Variants in AXIN1 observed in about 807,000 individuals in gnomAD.
AXIN1 encodes the protein axin-1.
In AXIN1, 30 loss-of-function variants were observed where a neutral mutation model predicts 76.4. The ratio of observed to expected loss-of-function variants is 0.39; its 90% confidence interval spans 0.29 to 0.53. The LOEUF (loss-of-function observed/expected upper bound fraction) is 0.53, where lower values mean the gene tolerates loss of function less well. Ranked by LOEUF, AXIN1 falls within the 20% of genes least tolerant of loss-of-function variation. AXIN1 has a pLI of 0.66. For synonymous variants in AXIN1, 545 were observed against 501.4 expected, an observed-to-expected ratio of 1.09 and a Z score of -1.16; for missense variants, 1,140 against 1,198.8, an observed-to-expected ratio of 0.95 and a Z score of 0.72.
intron 2 of AXIN1, among the ~76,000 whole-genome samples, chr16:344,409 G>A (rs1473956316): frequency 1.1e-4 from 15 of 135,370 alleles, no homozygotes; most frequent in African/African-American, 3.0e-4. Context: ...CAGCCTGGGC[G>A]ATAGAGCAAG....
At position 293,650 on chromosome 16, in the gene AXIN1, G is replaced by C. The variant is rs139203196; in HGVS notation, c.2024C>G (p.Ala675Gly). ...SRPLSLEHPW[A>G]GPQLRTSVQP... The stretch of plus-strand genomic sequence containing the variant: ...CACGGAGGTCCGGAGCTGAGGGCCG[G>C]CCCAGGGGTGCTCAAGGGACAAGGG... Residue 675 changes from alanine to glycine, a missense_variant, in exon 8 of 11, where the codon GCC (alanine) becomes GGC (glycine). Ala to Gly is a moderately conservative substitution (Grantham distance 60). Around this residue, in one of 3 missense-constraint regions of AXIN1, gnomAD observed 429 missense variants for 405.8 expected, o/e 1.06. Transcript: ENST00000262320. The surrounding 1 kb of genome is among the most constrained non-coding windows in gnomAD (Gnocchi z 4.6). The C allele has an allele frequency of 6.2e-7, 1 of 1,613,540 alleles. No individual in the cohort carries two copies. Among genetic ancestry groups the C allele is most frequent in the South Asian group, 1.1e-5 (1 of 91,080 alleles).
chr16:337,149 CAAAAAAAAA>C (rs398028563), intron 2 of AXIN1, among the ~76,000 whole-genome samples: 6 of 30,582 alleles, frequency 2.0e-4, no homozygotes, highest in South Asian at 1.7e-3. Context: ...GACCCCGTCT[CAAAAAAAAA>C]AAAAAAAAAA....
chr16:288,362 C>T (rs2052447971), intron 10 of AXIN1, 114 bp from the exon 11 acceptor site: 2 of 1,465,346 alleles, frequency 1.4e-6, no homozygotes, highest in Admixed American at 1.7e-5. Flanking sequence ...CTGTCCATGC[C>T]CCACGGCCCC....
intron 4 of AXIN1, among the ~76,000 whole-genome samples, chr16:307,652 T>C (rs1210630146): frequency 6.6e-6 from 1 of 152,176 alleles, no homozygotes; most frequent in African/African-American, 2.4e-5. Context: ...AGCCTGGGCC[T>C]CCGTGGGTGC....
At chr16:336,772 G>C (rs1170380925) in intron 2 of AXIN1, among the ~76,000 whole-genome samples, 2 of 141,086 alleles carry the variant, frequency 1.4e-5, no homozygotes. Context: ...AGCTGAGGTT[G>C]CACCACTGCA....
chr16:317,390 C>A (rs79176827), intron 2 of AXIN1, among the ~76,000 whole-genome samples: 1 of 152,140 alleles, frequency 6.6e-6, no homozygotes, highest in African/African-American at 2.4e-5. Flanking sequence ...TGCTGGTGAC[C>A]GTGCTCAGCT....
Position 341,768 on chromosome 16 carries a change from C to T in AXIN1, c.878+4380G>A, listed in dbSNP as rs192679499. ...GCTCAGGGACTGTAAATACACCAAT[C>T]GGCACTCTGTATCTAGCACAAGGTT... On this transcript the variant is annotated intron_variant, in intron 2 of 10. Coordinates refer to ENST00000262320, the MANE Select transcript of AXIN1 (RefSeq NM_003502.4). 1.6e-3 allele frequency among the ~76,000 whole-genome samples: 237 copies of T among 152,332 alleles called. 1 individual carries two copies. Among genetic ancestry groups the T allele is most frequent in the African/African-American group, 5.0e-3 (209 of 41,568 alleles).
At chr16:342,526 G>A (rs55670946) in intron 2 of AXIN1, among the ~76,000 whole-genome samples, 11,277 of 152,118 alleles carry the variant, frequency 0.074, 537 homozygotes, top group Non-Finnish European at 0.11. Context: ...TGCATTACCC[G>A]CAGCCTTCCT....
At chr16:307,814 G>A (rs980299208) in intron 4 of AXIN1, among the ~76,000 whole-genome samples, 4 of 152,206 alleles carry the variant, frequency 2.6e-5, no homozygotes, top group African/African-American at 7.2e-5. Context: ...ACCACGGCAC[G>A]TCCTGCTAGC....
intron 5 of AXIN1, among the ~76,000 whole-genome samples, chr16:303,682 GT>G (rs2052936664): frequency 6.6e-6 from 1 of 152,054 alleles, no homozygotes; most frequent in African/African-American, 2.4e-5. Context: ...TCGCCCGCCC[GT>G]TTCCCTTTTT....
intron 4 of AXIN1, among the ~76,000 whole-genome samples, chr16:305,431 A>G (rs1049711361): frequency 2.0e-5 from 3 of 152,204 alleles, no homozygotes; most frequent in Non-Finnish European, 4.4e-5. Flanking sequence ...AGCCGAGATC[A>G]TGCCACTGCC....
rs1271291185 is a variant in AXIN1 at position 326,376 on chromosome 16, T to A, written c.879-11693A>T. ...TCTCAAAAAAAAAAAAAAAAAAATA[T>A]ATATATATATATATATATACACACC... On this transcript the variant is annotated intron_variant, in intron 2 of 10. Transcript: ENST00000262320. Among the ~76,000 whole-genome samples the A allele has an allele frequency of 5.0e-3, 320 of 63,542 alleles. 1 individual carries two copies. The highest frequency in any genetic ancestry group is 0.016 in the African/African-American group (220 of 14,158). The allele number at this position is 63,542 out of a possible 152,430, so 41.7% of individuals were successfully genotyped here.
At position 319,705 on chromosome 16, in the gene AXIN1, G is replaced by A. The variant is rs141144815; in HGVS notation, c.879-5022C>T. On this transcript the variant is annotated intron_variant, in intron 2 of 10. Coordinates refer to ENST00000262320, the MANE Select transcript of AXIN1 (RefSeq NM_003502.4). ...CTGCTCCCACATCCAGCATGGCCAC[G>A]GCACCGGCTCTCTGGTCACTGTGGT... Among the ~76,000 whole-genome samples the A allele has an allele frequency of 2.4e-3, 370 of 152,326 alleles. 4 individuals are homozygous for A. Among genetic ancestry groups the A allele is most frequent in the Admixed American group, 0.016 (240 of 15,296 alleles).
chr16:294,113 A>T (rs1265536055), intron 7 of AXIN1, among the ~76,000 whole-genome samples: 1 of 152,134 alleles, frequency 6.6e-6, no homozygotes, highest in African/African-American at 2.4e-5. Flanking sequence ...GTGAGCCGGG[A>T]TCACGCCACC....
At chr16:311,393 T>C (rs934968455) in intron 3 of AXIN1, among the ~76,000 whole-genome samples, 10 of 152,102 alleles carry the variant, frequency 6.6e-5, no homozygotes, top group Admixed American at 2.0e-4. Flanking sequence ...AGATTATACA[T>C]GGTCTGAATA....
intron 2 of AXIN1, among the ~76,000 whole-genome samples, chr16:343,217 T>C (rs1338311349): frequency 6.6e-6 from 1 of 152,076 alleles, no homozygotes. Flanking sequence ...AGCCAATGTA[T>C]CCCACTAATT....
At chr16:328,886 C>G (rs2141649739) in intron 2 of AXIN1, among the ~76,000 whole-genome samples, 1 of 151,962 alleles carries the variant, frequency 6.6e-6, no homozygotes, top group Middle Eastern at 3.4e-3. Flanking sequence ...GCTCCGCTTT[C>G]CAGGAGAGAT....
intron 2 of AXIN1, among the ~76,000 whole-genome samples, chr16:318,875 C>G (rs1314091504): frequency 6.6e-6 from 1 of 151,442 alleles, no homozygotes; most frequent in Non-Finnish European, 1.5e-5. Flanking sequence ...GGCTCTGACC[C>G]CTGGCTGTGC....
chr16:288,529 G>C (rs530052654), intron 10 of AXIN1, among the ~76,000 whole-genome samples: 1 of 152,226 alleles, frequency 6.6e-6, no homozygotes, highest in Non-Finnish European at 1.5e-5. Context: ...TTGCAGGGGG[G>C]AAGTGGACGG....
Sources: gnomAD v4.1 joint callset for allele counts (sites outside exome capture counted in the v4.1 genomes callset) on GRCh38, gnomAD v4.1.1 for gene constraint, gnomAD v4.1.1 regional missense constraint, Gnocchi (gnomAD v3.1) non-coding constraint, MANE v1.5 for transcripts, NCBI Gene and HGNC (gene_info 2026-07-23, HGNC 2026-07-21) for gene names.